The following VKORC1L1 variants were observed in gnomAD, a reference collection of about 807,000 sequenced individuals.
VKORC1L1 encodes vitamin K epoxide reductase complex subunit 1L1, also known as vitamin K epoxide reductase complex subunit 1-like protein 1.
A neutral mutation model predicts 18.9 loss-of-function variants in VKORC1L1; 2 were observed. The ratio of observed to expected loss-of-function variants is 0.11; its 90% confidence interval spans 0.04 to 0.33. VKORC1L1 has a LOEUF of 0.33. Among genes scored for constraint, VKORC1L1 ranks in the 10% least tolerant of loss-of-function variants. VKORC1L1 has a pLI of 1.00. For synonymous variants in VKORC1L1, 96 were observed against 100.0 expected, an observed-to-expected ratio of 0.96 and a Z score of 0.24; for missense variants, 123 against 224.1, an observed-to-expected ratio of 0.55 and a Z score of 2.88.
Position 65,949,142 on chromosome 7 carries a change from A to G in VKORC1L1, c.304+362A>G, listed in dbSNP as rs558678943. ...AACAAGAAACCATATTCATAATCCC[A>G]TTACCTTTACATATCCACTATTTCC... On this transcript the variant is annotated intron_variant, in intron 2 of 2. Transcript: ENST00000360768. Among the ~76,000 whole-genome samples, 7 of 152,268 alleles carry G rather than the reference A, an allele frequency of 4.6e-5. No homozygotes were observed. In the East Asian group the frequency reaches 1.2e-3, roughly 25 times the overall value.
At chr7:65,928,936 G>A (rs1186320553) in intron 1 of VKORC1L1, among the ~76,000 whole-genome samples, 1 of 152,160 alleles carries the variant, frequency 6.6e-6, no homozygotes, top group African/African-American at 2.4e-5. Flanking sequence ...CTTCTGGTAG[G>A]TGTGTAGTGG....
intron 1 of VKORC1L1, among the ~76,000 whole-genome samples, chr7:65,890,697 G>A (rs528706136): frequency 1.6e-4 from 25 of 152,328 alleles, no homozygotes; most frequent in African/African-American, 4.3e-4. Context: ...GGTTGCACTA[G>A]TTTAGATTCC....
intron 1 of VKORC1L1, among the ~76,000 whole-genome samples, chr7:65,877,091 C>G (rs569303607): frequency 6.6e-6 from 1 of 152,258 alleles, no homozygotes; most frequent in South Asian, 2.1e-4. Context: ...ATTAGTGTTA[C>G]GATGAAAAGT....
intron 2 of VKORC1L1, among the ~76,000 whole-genome samples, chr7:65,950,155 A>T (rs1456852808): frequency 3.3e-5 from 5 of 151,870 alleles, no homozygotes; most frequent in Non-Finnish European, 7.4e-5. Context: ...ATTAGTACCT[A>T]TTACTTTAAT....
chr7:65,890,938 C>T (rs1789101207), intron 1 of VKORC1L1, among the ~76,000 whole-genome samples: 1 of 152,124 alleles, frequency 6.6e-6, no homozygotes, highest in Non-Finnish European at 1.5e-5. Context: ...TTCCGTCACC[C>T]AGAAAGTTCT....
At chr7:65,868,974 T>C (rs921361091), upstream of VKORC1L1, among the ~76,000 whole-genome samples, 8 of 152,114 alleles carry the variant, frequency 5.3e-5, no homozygotes, top group Non-Finnish European at 7.3e-5. Flanking sequence ...ATACAGAGTA[T>C]CAATCAGTCA....
In VKORC1L1 at chr7:65,954,401, A is replaced by G; in HGVS notation, c.*101A>G. ...TTATTATTATTATTATTCACAACAG[A>G]CACTTTCCCTAAGAATCTCAAACTG... On this transcript the variant is annotated 3_prime_UTR_variant, in exon 3 of 3. Transcript: ENST00000360768. 1 of 1,425,352 alleles carries G rather than the reference A, an allele frequency of 7.0e-7. No individual in the cohort carries two copies. Among genetic ancestry groups the G allele is most frequent in the Non-Finnish European group, 9.2e-7 (1 of 1,089,090 alleles). 88.3% of individuals were successfully genotyped at this position (1,425,352 alleles called of 1,614,324 possible).
intron 1 of VKORC1L1, among the ~76,000 whole-genome samples, chr7:65,896,214 T>G (rs1010098490): frequency 2.6e-5 from 4 of 152,068 alleles, no homozygotes; most frequent in Admixed American, 6.6e-5. Context: ...ATTATCTCAC[T>G]TCTTTTGTTT....
At chr7:65,883,889 A>C (rs1788970213) in intron 1 of VKORC1L1, among the ~76,000 whole-genome samples, 1 of 152,222 alleles carries the variant, frequency 6.6e-6, no homozygotes, top group African/African-American at 2.4e-5. Context: ...ACGATTCATA[A>C]GTTTTATTTT....
intron 1 of VKORC1L1, among the ~76,000 whole-genome samples, chr7:65,947,653 T>G (rs1790144084): frequency 6.6e-6 from 1 of 152,136 alleles, no homozygotes; most frequent in African/African-American, 2.4e-5. Context: ...ACATCTGAGA[T>G]AGGATTCCAG....
chr7:65,869,287 CT>C (rs1788696275), upstream of VKORC1L1, among the ~76,000 whole-genome samples: 1 of 151,096 alleles, frequency 6.6e-6, no homozygotes, highest in Non-Finnish European at 1.5e-5. Context: ...GCACTCCAGC[CT>C]GCGTGACAGA....
At chr7:65,902,745 G>A (rs886074046) in intron 1 of VKORC1L1, among the ~76,000 whole-genome samples, 2 of 152,042 alleles carry the variant, frequency 1.3e-5, no homozygotes, top group African/African-American at 4.8e-5. Context: ...TTGAAAGCAG[G>A]CAGAGAAAAA....
At chr7:65,891,099 A>AT (rs35196492) in intron 1 of VKORC1L1, among the ~76,000 whole-genome samples, 2,633 of 128,306 alleles carry the variant, frequency 0.021, 30 homozygotes, top group African/African-American at 0.041. Context: ...GCCCAGCATA[A>AT]TTTTTTTTTT....
intron 1 of VKORC1L1, among the ~76,000 whole-genome samples, chr7:65,919,944 A>ATTTTG (rs1430706885): frequency 1.3e-5 from 2 of 152,022 alleles, no homozygotes; most frequent in African/African-American, 4.8e-5. Flanking sequence ...TTGGATGCCC[A>ATTTTG]TTTTGTTCAG....
upstream of VKORC1L1, among the ~76,000 whole-genome samples, chr7:65,872,214 T>C (rs1427717306): frequency 6.6e-6 from 1 of 152,260 alleles, no homozygotes; most frequent in Non-Finnish European, 1.5e-5. Flanking sequence ...GACTTTTCTT[T>C]TTCTTCGTCC....
At chr7:65,885,141 G>A (rs1476240448) in intron 1 of VKORC1L1, among the ~76,000 whole-genome samples, 1 of 152,176 alleles carries the variant, frequency 6.6e-6, no homozygotes, top group Non-Finnish European at 1.5e-5. Flanking sequence ...TTTACTGGGT[G>A]TTACATGAGT....
At chr7:65,923,688 T>C (rs947661616) in intron 1 of VKORC1L1, among the ~76,000 whole-genome samples, 16 of 152,150 alleles carry the variant, frequency 1.1e-4, no homozygotes, top group African/African-American at 3.4e-4. Context: ...ATTAAGAGTG[T>C]GAGACCAAAA....
chr7:65,959,357 A>T lies in VKORC1L1; in HGVS notation c.*5057A>T, dbSNP rs984630632. On this transcript the variant is annotated 3_prime_UTR_variant, in exon 3 of 3. Transcript: ENST00000360768. ...ATTTGTAAACCATTTAAATGTGTCT[A>T]TTACATTTAACTTTTCTTAATGTTT... is the stretch of plus-strand genomic sequence containing the variant. 6.6e-6 allele frequency: 1 copy of T among 152,206 alleles called. No individual in the cohort carries two copies. The highest frequency in any genetic ancestry group is 2.4e-5 in the African/African-American group (1 of 41,446). 9.4% of individuals were successfully genotyped at this position (152,206 alleles called of 1,614,324 possible).
At chr7:65,927,024 C>T (rs1046796672) in intron 1 of VKORC1L1, among the ~76,000 whole-genome samples, 12 of 152,146 alleles carry the variant, frequency 7.9e-5, no homozygotes, top group Non-Finnish European at 1.6e-4. Context: ...TGGTGGCTCA[C>T]GCCTGTAATC....
Sources: allele counts gnomAD v4.1 joint callset (sites outside exome capture counted in the v4.1 genomes callset), GRCh38; gene constraint gnomAD v4.1.1; transcripts MANE v1.5; gene names NCBI Gene and HGNC (gene_info 2026-07-23, HGNC 2026-07-21).